Variants in EHBP1 observed in about 807,000 individuals in gnomAD.
The protein encoded by EHBP1 is EH domain-binding protein 1.
Under a neutral mutation model 144.0 loss-of-function variants are expected in EHBP1, and 55 were observed. The ratio of observed to expected loss-of-function variants is 0.38; its 90% CI spans 0.31 to 0.48. The LOEUF (loss-of-function observed/expected upper bound fraction) is 0.48. Ranked by LOEUF, EHBP1 falls within the 20% of genes least tolerant of loss-of-function variation. EHBP1 has a pLI of 0.98. For missense variants in EHBP1, 1,200 were observed against 1,364.2 expected (o/e 0.88, Z 1.90); for synonymous variants, 469 against 472.7 (o/e 0.99, Z 0.10).
intron 2 of EHBP1, among the ~76,000 whole-genome samples, chr2:62,716,183 C>T (rs1298624033): frequency 1.3e-5 from 2 of 152,104 alleles, no homozygotes; most frequent in East Asian, 3.9e-4. Flanking sequence ...CCCCGCAACC[C>T]CCCACCACGC....
intron 7 of EHBP1, among the ~76,000 whole-genome samples, chr2:62,852,034 C>T (rs2048722841): frequency 6.6e-6 from 1 of 152,036 alleles, no homozygotes; most frequent in Non-Finnish European, 1.5e-5. Context: ...TTTTAAAATG[C>T]CGACATTATA....
chr2:62,832,437 T>C (rs2046884623), intron 7 of EHBP1, among the ~76,000 whole-genome samples: 1 of 145,602 alleles, frequency 6.9e-6, no homozygotes, highest in Admixed American at 7.0e-5. Flanking sequence ...TTTTCTTTTT[T>C]CTTTTTTTTT....
At chr2:62,902,513 G>C (rs1167599262) in intron 10 of EHBP1, among the ~76,000 whole-genome samples, 1 of 151,652 alleles carries the variant, frequency 6.6e-6, no homozygotes, top group African/African-American at 2.4e-5. Flanking sequence ...CAAAGATGTT[G>C]CTTGAAAAAA....
At chr2:62,689,299 T>C (rs1336979313) in intron 1 of EHBP1, among the ~76,000 whole-genome samples, 3 of 152,204 alleles carry the variant, frequency 2.0e-5, no homozygotes, top group Non-Finnish European at 4.4e-5. Context: ...GGAGGCTGGT[T>C]CAGAATCTAT....
intron 5 of EHBP1, among the ~76,000 whole-genome samples, chr2:62,779,910 A>T (rs565862110): frequency 1.3e-5 from 2 of 152,242 alleles, no homozygotes; most frequent in African/African-American, 4.8e-5. Flanking sequence ...ATTTTTTTCA[A>T]ACTTATTTCA....
rs1283765350 is a variant in EHBP1 at position 62,836,714 on chromosome 2, C to G, written c.634+5556C>G. Among the ~76,000 whole-genome samples, 24 of 126,574 alleles carry G rather than the reference C, an allele frequency of 1.9e-4. 1 individual carries two copies. The South Asian group carries it at 7.0e-3, about 37-fold the overall frequency. 83.0% of individuals were successfully genotyped at this position (126,574 alleles called of 152,430 possible). A position where few individuals can be genotyped will look rare whatever the true frequency, so the allele number is the denominator to read the frequency against. ...AATGCAGAAGCCTCAGGAGCCGATGCGATCAACTGGAAGAAAGGGTATCAG... is the reference window on the plus strand; with the variant it reads ...AATGCAGAAGCCTCAGGAGCCGATGGGATCAACTGGAAGAAAGGGTATCAG... On this transcript the variant is annotated intron_variant, in intron 7 of 22. Transcript: ENST00000431489.
At chr2:62,725,402 C>T (rs2036668396) in intron 2 of EHBP1, among the ~76,000 whole-genome samples, 1 of 152,192 alleles carries the variant, frequency 6.6e-6, no homozygotes, top group African/African-American at 2.4e-5. Context: ...CAGAGGCAAC[C>T]CATTCGTGGG....
At chr2:62,929,415 G>A (rs950685566) in intron 10 of EHBP1, among the ~76,000 whole-genome samples, 8 of 152,112 alleles carry the variant, frequency 5.3e-5, no homozygotes, top group African/African-American at 1.9e-4. Context: ...GTGCAAGGAT[G>A]ATTAGACATA....
rs752255391 is a variant in EHBP1 at position 62,913,305 on chromosome 2, CCCA to C, written c.1186-29411_1186-29409del. Among the ~76,000 whole-genome samples, 15 of 152,286 alleles carry C rather than the reference CCCA, an allele frequency of 9.8e-5. No individual in the cohort carries two copies. The East Asian group carries it at 2.3e-3, about 23-fold the overall frequency. On this transcript the variant is annotated intron_variant, in intron 10 of 22. Transcript: ENST00000431489. ...GCCAAATGATCTTTTAAAGGCCCTT[CCCA>C]CTAGTAGATCTATGAAAATGATAAA... is the stretch of plus-strand genomic sequence containing the variant.
At chr2:62,930,606 A>G (rs940652667) in intron 10 of EHBP1, among the ~76,000 whole-genome samples, 2 of 152,204 alleles carry the variant, frequency 1.3e-5, no homozygotes, top group African/African-American at 4.8e-5. Flanking sequence ...TGGAAGACTC[A>G]CACTTTCTGA....
chr2:62,914,189 G>A (rs1228521774), intron 10 of EHBP1, among the ~76,000 whole-genome samples: 2 of 152,064 alleles, frequency 1.3e-5, no homozygotes, highest in Non-Finnish European at 2.9e-5. Context: ...AATGAGAGTG[G>A]GAGGAACTTA....
At chr2:62,837,694 T>C (rs1249129538) in intron 7 of EHBP1, among the ~76,000 whole-genome samples, 1 of 149,010 alleles carries the variant, frequency 6.7e-6, no homozygotes, top group African/African-American at 2.5e-5. Flanking sequence ...GCAATCCTAG[T>C]CTCTGATAAA....
At chr2:62,738,620 T>C (rs2038380957) in intron 2 of EHBP1, among the ~76,000 whole-genome samples, 1 of 152,188 alleles carries the variant, frequency 6.6e-6, no homozygotes, top group African/African-American at 2.4e-5. Context: ...TTCACTGCTG[T>C]ACTGGGGATA....
intron 1 of EHBP1, among the ~76,000 whole-genome samples, chr2:62,696,161 TCTC>T (rs2034080170): frequency 7.3e-6 from 1 of 137,704 alleles, no homozygotes; most frequent in South Asian, 2.8e-4. Flanking sequence ...TCTCTCTCTC[TCTC>T]TCTTTCTTTC....
intron 7 of EHBP1, among the ~76,000 whole-genome samples, chr2:62,847,078 T>A (rs1203728825): frequency 6.6e-6 from 1 of 152,236 alleles, no homozygotes; most frequent in African/African-American, 2.4e-5. Context: ...GAAAATTTAC[T>A]ATAAAGCTGT....
intron 5 of EHBP1, among the ~76,000 whole-genome samples, chr2:62,808,169 A>G (rs997196487): frequency 4.0e-5 from 6 of 149,208 alleles, no homozygotes; most frequent in South Asian, 2.1e-4. Context: ...TCTGACATTA[A>G]TTTGGGGGAA....
intron 7 of EHBP1, among the ~76,000 whole-genome samples, chr2:62,847,528 A>G (rs372157766): frequency 6.6e-6 from 1 of 152,212 alleles, no homozygotes; most frequent in Non-Finnish European, 1.5e-5. Flanking sequence ...TAAAACTTAC[A>G]CTAATCAAAA....
chr2:62,826,740 T>C (rs1179152815), intron 6 of EHBP1, among the ~76,000 whole-genome samples: 1 of 152,168 alleles, frequency 6.6e-6, no homozygotes, highest in East Asian at 1.9e-4. Context: ...AGATAAGCAG[T>C]TTATTGTAAT....
chr2:62,687,910 G>A (rs1446875854), intron 1 of EHBP1, among the ~76,000 whole-genome samples: 2 of 152,228 alleles, frequency 1.3e-5, no homozygotes, highest in East Asian at 3.9e-4. Context: ...CAAGTGAAAT[G>A]AGCTGATAGG....
Sources: allele counts gnomAD v4.1 joint callset (sites outside exome capture counted in the v4.1 genomes callset), GRCh38; gene constraint gnomAD v4.1.1; transcripts MANE v1.5; gene names NCBI Gene and HGNC (gene_info 2026-07-23, HGNC 2026-07-21).